Variants in WIPF1 observed in about 807,000 individuals in gnomAD.
WIPF1 encodes WAS/WASL-interacting protein family member 1.
In WIPF1, 13 loss-of-function variants were observed where a neutral mutation model predicts 35.4. The observed-to-expected ratio is 0.37, with a 90% CI of 0.24 to 0.58. WIPF1 has a LOEUF of 0.58. Among genes scored for constraint, WIPF1 ranks in the 20% least tolerant of loss-of-function variants. The probability of loss-of-function intolerance (pLI) is 0.74; values close to 1 mark genes in which losing one functional copy is unlikely to be tolerated. For synonymous variants in WIPF1, 267 were observed against 266.3 expected, an observed-to-expected ratio of 1.00 and a Z score of -0.02; for missense variants, 591 against 667.0, an observed-to-expected ratio of 0.89 and a Z score of 1.25.
chr2:174,628,453 C>T (rs1686915968), intron 1 of WIPF1, among the ~76,000 whole-genome samples: 1 of 152,250 alleles, frequency 6.6e-6, no homozygotes, highest in Non-Finnish European at 1.5e-5. Context: ...AATTTTTCCT[C>T]TCTGCTCCAT....
chr2:174,673,326 A>C (rs1252242894), intron 1 of WIPF1: 1 of 152,220 alleles, frequency 6.6e-6, no homozygotes, highest in African/African-American at 2.4e-5. Flanking sequence ...ATTGGGTCCC[A>C]TATGGGGACT....
intron 1 of WIPF1, among the ~76,000 whole-genome samples, chr2:174,637,989 G>A (rs1188270976): frequency 6.6e-6 from 1 of 152,158 alleles, no homozygotes; most frequent in African/African-American, 2.4e-5. Context: ...CCTTATAGTT[G>A]ATAGTTTTCT....
chr2:174,581,812 T>C (rs1290391345), intron 2 of WIPF1, among the ~76,000 whole-genome samples: 1 of 152,148 alleles, frequency 6.6e-6, no homozygotes, highest in Non-Finnish European at 1.5e-5. Context: ...CACTAGAGGG[T>C]ACCCTGAAGA....
chr2:174,651,963 GAAGGAT>G (rs1348274498), intron 1 of WIPF1, among the ~76,000 whole-genome samples: 1 of 152,218 alleles, frequency 6.6e-6, no homozygotes, highest in Non-Finnish European at 1.5e-5. Context: ...ACAAGGCTAG[GAAGGAT>G]AAGGTATAGA....
In WIPF1 at chr2:174,585,604, TGATAAA is replaced by T; in HGVS notation, c.-37_-32del. The T allele has an allele frequency of 6.2e-7, 1 of 1,608,604 alleles. No individual in the cohort carries two copies. The highest frequency in any genetic ancestry group is 8.5e-7 in the Non-Finnish European group (1 of 1,176,252). ...GCAGTTATGCGTTCAACAGTCTTGCTGATAAATCTGGAAAAACAAGAATGCGATCAT... is the reference window on the plus strand; with the variant it reads ...GCAGTTATGCGTTCAACAGTCTTGCTTCTGGAAAAACAAGAATGCGATCAT... On this transcript the variant is annotated splice_region_variant and 5_prime_UTR_variant, in exon 2 of 8. Coordinates refer to ENST00000679041, the MANE Select transcript of WIPF1 (RefSeq NM_001375834.1).
intron 1 of WIPF1, among the ~76,000 whole-genome samples, chr2:174,615,523 G>A (rs1686480435): frequency 2.0e-5 from 3 of 152,022 alleles, no homozygotes; most frequent in Admixed American, 2.0e-4. Context: ...ATGAATTTAT[G>A]GAAAAGGAAA....
At chr2:174,632,481 G>A (rs1051630565) in intron 1 of WIPF1, among the ~76,000 whole-genome samples, 7 of 151,866 alleles carry the variant, frequency 4.6e-5, no homozygotes, top group South Asian at 2.1e-4. Context: ...AGGCTGAGGC[G>A]GGCGGATCAC....
intron 1 of WIPF1, among the ~76,000 whole-genome samples, chr2:174,620,262 G>T (rs906578184): frequency 9.9e-5 from 15 of 152,158 alleles, no homozygotes; most frequent in Non-Finnish European, 1.2e-4. Context: ...GAAGTTAAAT[G>T]ACCTGGGTAA....
At chr2:174,577,629 A>G (rs1685101937) in intron 3 of WIPF1, among the ~76,000 whole-genome samples, 1 of 152,174 alleles carries the variant, frequency 6.6e-6, no homozygotes, top group Admixed American at 6.5e-5. Flanking sequence ...ACTTTCTAAC[A>G]TTAAAAATGG....
chr2:174,615,548 G>T (rs1686481844), intron 1 of WIPF1, among the ~76,000 whole-genome samples: 1 of 152,178 alleles, frequency 6.6e-6, no homozygotes, highest in Admixed American at 6.5e-5. Context: ...TATAAAATAT[G>T]TTAGTAAAAG....
intron 1 of WIPF1, among the ~76,000 whole-genome samples, chr2:174,652,560 G>T (rs752908786): frequency 2.0e-5 from 3 of 151,998 alleles, no homozygotes; most frequent in Non-Finnish European, 4.4e-5. Context: ...CTCCATTAAG[G>T]CTATATAGCA....
chr2:174,677,151 C>CA (rs35183461), intron 1 of WIPF1: 40,167 of 144,050 alleles, frequency 0.28, 5,600 homozygotes, highest in Middle Eastern at 0.34. Flanking sequence ...GAAACTGTCT[C>CA]AAAAAAAAAA....
Position 174,568,054 on chromosome 2 carries a change from A to G in WIPF1, c.1149T>C (p.Pro383=). The change falls in exon 6 of 8, where the codon CCT becomes CCC. Residue 383 remains proline, a synonymous_variant. Transcript: ENST00000679041. Reference sequence around the variant, plus strand: ...ATGTGCTGCCGTTTCTGCTTACTGGAGGAGGTGGTGGGAGGGGGCCTGGAG... The same window carrying G: ...ATGTGCTGCCGTTTCTGCTTACTGGGGGAGGTGGTGGGAGGGGGCCTGGAG... ...PGRSGPLPPP[P]PVSRNGSTSR... is the part of the protein sequence containing the mutation. 1 of 1,612,790 alleles carries G rather than the reference A, an allele frequency of 6.2e-7. No individual in the cohort carries two copies. Among genetic ancestry groups the G allele is most frequent in the South Asian group, 1.1e-5 (1 of 91,044 alleles).
chr2:174,575,051 C>T, intron 4 of WIPF1, 153 bp downstream of exon 4: 1 of 927,658 alleles, frequency 1.1e-6, no homozygotes, highest in Non-Finnish European at 1.7e-6. Context: ...AATAATAAAG[C>T]CTAAATTGAG....
chr2:174,618,145 C>T (rs1686566962), intron 1 of WIPF1, among the ~76,000 whole-genome samples: 1 of 152,210 alleles, frequency 6.6e-6, no homozygotes, highest in African/African-American at 2.4e-5. Flanking sequence ...AATTAAAAGA[C>T]CTTCCTTTGT....
intron 1 of WIPF1, among the ~76,000 whole-genome samples, chr2:174,603,975 A>T (rs571252262): frequency 2.6e-5 from 4 of 152,378 alleles, no homozygotes; most frequent in Non-Finnish European, 2.9e-5. Flanking sequence ...TTTAAGAAAC[A>T]TATAAAAACA....
intron 7 of WIPF1, among the ~76,000 whole-genome samples, chr2:174,563,154 C>T (rs1049323804): frequency 8.5e-5 from 13 of 152,174 alleles, no homozygotes; most frequent in South Asian, 2.1e-4. Context: ...AATTAGAAAG[C>T]TTTTCTGACA....
At chr2:174,613,872 A>C (rs1194884494) in intron 1 of WIPF1, among the ~76,000 whole-genome samples, 1 of 152,242 alleles carries the variant, frequency 6.6e-6, no homozygotes, top group African/African-American at 2.4e-5. Flanking sequence ...TTAAACAAAA[A>C]AGAATAAATA....
intron 5 of WIPF1, among the ~76,000 whole-genome samples, chr2:174,569,965 G>C (rs1360710386): frequency 6.6e-6 from 1 of 152,192 alleles, no homozygotes; most frequent in East Asian, 1.9e-4. Context: ...CAATTTGGCA[G>C]TACCTATTGA....
Sources: gnomAD v4.1 joint callset for allele counts (sites outside exome capture counted in the v4.1 genomes callset) on GRCh38, gnomAD v4.1.1 for gene constraint, MANE v1.5 for transcripts, NCBI Gene and HGNC (gene_info 2026-07-23, HGNC 2026-07-21) for gene names.